MYLK4: variants seen among roughly 807,000 people sequenced by gnomAD.
MYLK4 encodes myosin light chain kinase family member 4.
Under a neutral mutation model 48.1 loss-of-function variants are expected in MYLK4, and 46 were observed. The observed-to-expected ratio is 0.96, with a 90% CI of 0.75 to 1.22. MYLK4 has a LOEUF of 1.22. Among genes scored for constraint, MYLK4 ranks in the 50% most tolerant of loss-of-function variants. The pLI, the probability that MYLK4 is intolerant of heterozygous loss-of-function variation, is 0.00. For synonymous variants in MYLK4, 170 were observed against 180.8 expected, an observed-to-expected ratio of 0.94 and a Z score of 0.48; for missense variants, 451 against 486.1, an observed-to-expected ratio of 0.93 and a Z score of 0.68.
rs1297265336 is a variant in MYLK4 at position 2,717,582 on chromosome 6, C to T, written c.160-24723G>A. Among the ~76,000 whole-genome samples, 3 of 152,340 alleles carry T rather than the reference C, an allele frequency of 2.0e-5. No individual in the cohort carries two copies. The East Asian group carries it at 5.8e-4, about 29-fold the overall frequency. ...AGACTGTAATCTTGGGCTTCTCAAC[C>T]TAAGGTCACACTGAATAAACACCTA... On this transcript the variant is annotated intron_variant, in intron 2 of 12. Transcript: ENST00000274643.
chr6:2,725,073 C>A (rs888603049), intron 2 of MYLK4, among the ~76,000 whole-genome samples: 60 of 152,104 alleles, frequency 3.9e-4, no homozygotes, highest in Admixed American at 2.4e-3. Flanking sequence ...ATCACTTGAA[C>A]CTGGGAGGCG....
At chr6:2,698,009 G>A (rs1420453445) in intron 2 of MYLK4, among the ~76,000 whole-genome samples, 1 of 152,200 alleles carries the variant, frequency 6.6e-6, no homozygotes, top group Non-Finnish European at 1.5e-5. Context: ...TCCCTGCCAC[G>A]GTGGCTCATA....
At chr6:2,699,762 T>G (rs1008542335) in intron 2 of MYLK4, among the ~76,000 whole-genome samples, 4 of 152,166 alleles carry the variant, frequency 2.6e-5, no homozygotes, top group African/African-American at 9.7e-5. Context: ...GGGTTATATG[T>G]TCGGAGCTGA....
chr6:2,766,450 T>G, the MYLK4 span: 4 of 1,526,652 alleles, frequency 2.6e-6, no homozygotes, highest in Non-Finnish European at 3.5e-6. Context: ...GCAAGGTGAG[T>G]GCGGCCTTGG....
At chr6:2,724,670 G>A (rs908180285) in intron 2 of MYLK4, among the ~76,000 whole-genome samples, 2 of 118,822 alleles carry the variant, frequency 1.7e-5, no homozygotes, top group African/African-American at 5.3e-5. Flanking sequence ...GATATTTTGA[G>A]GGAATTCATT....
intron 2 of MYLK4, among the ~76,000 whole-genome samples, chr6:2,742,562 T>C (rs1334988734): frequency 6.6e-6 from 1 of 151,292 alleles, no homozygotes; most frequent in Admixed American, 6.6e-5. Context: ...GTTCATGTCC[T>C]TTGTAGGGAC....
In MYLK4 at chr6:2,675,129, GAAGGA is replaced by G; in HGVS notation, c.1041-9_1041-5del. On this transcript the variant is annotated splice_region_variant and splice_polypyrimidine_tract_variant and intron_variant, in intron 10 of 12. Coordinates refer to ENST00000274643, the MANE Select transcript of MYLK4 (RefSeq NM_001012418.5). ...TTCGCTTGCACTTATTCGCCAACTA[GAAGGA>G]AATTCAGAAGGTGATTAGTAGAAAC... The G allele has an allele frequency of 6.2e-7, 1 of 1,611,904 alleles. No individual in the cohort carries two copies.
intron 2 of MYLK4, among the ~76,000 whole-genome samples, chr6:2,700,031 T>C (rs1469700537): frequency 6.6e-6 from 1 of 152,162 alleles, no homozygotes; most frequent in Non-Finnish European, 1.5e-5. Context: ...ATAACACAGA[T>C]TTTATTTTCC....
chr6:2,763,975 C>T, the MYLK4 span, among the ~76,000 whole-genome samples: 1 of 152,038 alleles, frequency 6.6e-6, no homozygotes, highest in Non-Finnish European at 1.5e-5. Context: ...ACTAAAAATC[C>T]AAAAAAATTA....
chr6:2,766,448 A>G, the MYLK4 span: 1 of 1,527,452 alleles, frequency 6.5e-7, no homozygotes, highest in Non-Finnish European at 8.9e-7. Flanking sequence ...CGGCAAGGTG[A>G]GTGCGGCCTT....
intron 4 of MYLK4, among the ~76,000 whole-genome samples, chr6:2,688,548 C>T (rs554229982): frequency 1.2e-4 from 18 of 152,316 alleles, no homozygotes; most frequent in South Asian, 6.2e-4. Flanking sequence ...TCATTTCTAT[C>T]TTCTGTCTCC....
chr6:2,751,797 A>G (rs1466001800), upstream of MYLK4, among the ~76,000 whole-genome samples: 1 of 152,142 alleles, frequency 6.6e-6, no homozygotes, highest in Non-Finnish European at 1.5e-5. Context: ...AAAAATACAT[A>G]TTTTTCCATT....
At chr6:2,700,329 T>C (rs1004650571) in intron 2 of MYLK4, among the ~76,000 whole-genome samples, 5 of 152,220 alleles carry the variant, frequency 3.3e-5, no homozygotes, top group African/African-American at 1.2e-4. Flanking sequence ...TCTGATAAAC[T>C]GGGTCTTGAG....
intron 2 of MYLK4, among the ~76,000 whole-genome samples, chr6:2,701,876 A>G (rs1427846821): frequency 2.0e-5 from 3 of 152,214 alleles, no homozygotes; most frequent in Admixed American, 6.5e-5. Context: ...CCTAGTTAAT[A>G]TACGTCATGA....
At chr6:2,675,362 T>A (rs1761045486) in intron 10 of MYLK4, among the ~76,000 whole-genome samples, 3 of 152,234 alleles carry the variant, frequency 2.0e-5, no homozygotes. Flanking sequence ...TTCTTGTTAA[T>A]AACTGAACAT....
At chr6:2,669,826 T>G (rs1760815445) in intron 12 of MYLK4, among the ~76,000 whole-genome samples, 2 of 152,200 alleles carry the variant, frequency 1.3e-5, no homozygotes, top group African/African-American at 4.8e-5. Flanking sequence ...TCTTTGTAAA[T>G]GGAATGCACA....
chr6:2,728,408 T>C (rs1226092059), intron 2 of MYLK4, among the ~76,000 whole-genome samples: 1 of 151,652 alleles, frequency 6.6e-6, no homozygotes, highest in East Asian at 1.9e-4. Context: ...TGAAGAGTTT[T>C]ATTAAAAAAA....
chr6:2,759,360 G>A, the MYLK4 span, among the ~76,000 whole-genome samples: 2 of 152,184 alleles, frequency 1.3e-5, no homozygotes, highest in Admixed American at 6.5e-5. Context: ...TCCTGCCTTG[G>A]CCTCGCAAAC....
Position 2,688,877 on chromosome 6 carries a change from A to C in MYLK4, c.315T>G (p.Thr105=). 6.2e-7 allele frequency: 1 copy of C among 1,614,178 alleles called. No homozygotes were observed. Among genetic ancestry groups the C allele is most frequent in the Non-Finnish European group, 8.5e-7 (1 of 1,180,010 alleles). ...AKQGAVNSFY[T]VSKTEILGGG... ...CTCCTAGGATTTCTGTCTTGCTCAC[A>C]GTATAGAAGCTGTTGACCGCTCCTT... Residue 105 remains threonine, a synonymous_variant, in exon 4 of 13, where the codon ACT becomes ACG. Transcript: ENST00000274643.
Sources: gnomAD v4.1 joint callset for allele counts (sites outside exome capture counted in the v4.1 genomes callset) on GRCh38, gnomAD v4.1.1 for gene constraint, MANE v1.5 for transcripts, NCBI Gene and HGNC (gene_info 2026-07-23, HGNC 2026-07-21) for gene names.